Variants in RLF observed in about 807,000 individuals in gnomAD.
RLF encodes the protein RLF zinc finger.
RLF carries 7 observed loss-of-function variants against 162.9 expected under a neutral mutation model. The observed-to-expected ratio is 0.04, with a 90% CI of 0.02 to 0.08. The LOEUF (loss-of-function observed/expected upper bound fraction) is 0.08, where lower values mean the gene tolerates loss of function less well. RLF is among the 10% of genes least tolerant of loss of function. The probability of loss-of-function intolerance (pLI) is 1.00; values close to 1 mark genes in which losing one functional copy is unlikely to be tolerated. For synonymous variants in RLF, 782 were observed against 791.5 expected (o/e 0.99, Z 0.20); for missense variants, 1,664 against 2,244.7 (o/e 0.74, Z 5.23).
intron 5 of RLF, among the ~76,000 whole-genome samples, chr1:40,209,011 C>T (rs2124546431): frequency 6.6e-6 from 1 of 152,296 alleles, no homozygotes; most frequent in South Asian, 2.1e-4. Flanking sequence ...CTCACTGTCA[C>T]TGCCAACCTT....
At chr1:40,177,190 T>C (rs1225007495) in intron 1 of RLF, among the ~76,000 whole-genome samples, 1 of 152,066 alleles carries the variant, frequency 6.6e-6, no homozygotes, top group Non-Finnish European at 1.5e-5. Context: ...TTCGCCATGT[T>C]GGCCAGGCTG....
chr1:40,240,408 A>C lies in RLF; in HGVS notation c.5706A>C (p.Pro1902=). The C allele has an allele frequency of 6.2e-6, 10 of 1,613,954 alleles. No individual in the cohort carries two copies. Among genetic ancestry groups the C allele is most frequent in the Non-Finnish European group, 8.5e-6 (10 of 1,179,974 alleles). ...KFSTPILDLF[P]TKKTDELCVG... ...CCACACCAATTTTAGACTTATTTCC[A>C]ACAAAAAAGACAGATGAGCTTTGTG... Residue 1902 remains proline, a synonymous_variant, in exon 8 of 8, where the codon CCA becomes CCC. Coordinates refer to ENST00000372771, the MANE Select transcript of RLF (RefSeq NM_012421.4).
Position 40,239,289 on chromosome 1 carries a change from T to C in RLF, c.4587T>C (p.Ser1529=), listed in dbSNP as rs541541346. 6.2e-7 allele frequency: 1 copy of C among 1,613,942 alleles called. No individual in the cohort carries two copies. Among genetic ancestry groups the C allele is most frequent in the Non-Finnish European group, 8.5e-7 (1 of 1,179,992 alleles). ...GLIKEKKAPI[S]FKTRAEALHM... ...TCAAAGAAAAGAAAGCCCCAATAAG[T>C]TTTAAAACCAGAGCTGAGGCCCTCC... Residue 1529 remains serine (S), a synonymous_variant, in exon 8 of 8, where the codon AGT becomes AGC. Coordinates refer to ENST00000372771, the MANE Select transcript of RLF (RefSeq NM_012421.4).
Position 40,237,440 on chromosome 1 carries a change from T to C in RLF, c.2738T>C (p.Ile913Thr). ...TCAGCTTCAATGAATGAAGAGCTAATTGACACACTAGATCACTCTGAAACT... is the reference window on the plus strand; with the variant it reads ...TCAGCTTCAATGAATGAAGAGCTAACTGACACACTAGATCACTCTGAAACT... Reference protein sequence around the residue: ...SSSASMNEELIDTLDHSETMQ... With the variant: ...SSSASMNEELTDTLDHSETMQ... Residue 913 changes from isoleucine (I) to threonine (T), a missense_variant, in exon 8 of 8, where the codon ATT becomes ACT. Ile to Thr is a moderately conservative substitution (Grantham distance 89, BLOSUM62 -1). This residue lies in a region of RLF where 295 missense variants were observed against 317.4 expected (regional missense o/e 0.93). Coordinates refer to ENST00000372771, the MANE Select transcript of RLF (RefSeq NM_012421.4). The surrounding 1 kb of genome is among the most constrained non-coding windows in gnomAD (Gnocchi z 4.4). The C allele has an allele frequency of 6.2e-7, 1 of 1,614,090 alleles. No homozygotes were observed.
chr1:40,169,817 C>T (rs1294922102), intron 1 of RLF, among the ~76,000 whole-genome samples: 2 of 151,076 alleles, frequency 1.3e-5, no homozygotes, highest in Non-Finnish European at 3.0e-5. Flanking sequence ...CTCAGCCTCC[C>T]AAGTAGCTGG....
intron 1 of RLF, among the ~76,000 whole-genome samples, chr1:40,163,192 T>A (rs1451514283): frequency 1.3e-5 from 2 of 152,172 alleles, no homozygotes; most frequent in Non-Finnish European, 2.9e-5. Flanking sequence ...CCACTTTAGT[T>A]AGTAAGACCC....
intron 5 of RLF, among the ~76,000 whole-genome samples, chr1:40,212,832 A>G (rs1220258168): frequency 5.3e-5 from 8 of 152,346 alleles, no homozygotes; most frequent in Admixed American, 3.3e-4. Flanking sequence ...AGATACCTTT[A>G]AACAGGACCC....
Position 40,161,692 on chromosome 1 carries a change from G to C in RLF, c.237+56G>C. ...CGGGGCGGGGAAGTCAGGGAAGGAG[G>C]CCCTGGATCCTCTGTAAGCAGCCGG... On this transcript the variant is annotated intron_variant, in intron 1 of 7. Transcript: ENST00000372771. The surrounding 1 kb of genome is among the most constrained non-coding windows in gnomAD (Gnocchi z 4.4). The C allele has an allele frequency of 6.3e-7, 1 of 1,590,944 alleles. No homozygotes were observed. Among genetic ancestry groups the C allele is most frequent in the South Asian group, 1.1e-5 (1 of 89,620 alleles).
In RLF at chr1:40,213,277, A is replaced by C. The variant is rs1245475447; in HGVS notation, c.811-9297A>C. Among the ~76,000 whole-genome samples, 7 of 152,262 alleles carry C rather than the reference A, an allele frequency of 4.6e-5. No homozygotes were observed. The East Asian group carries it at 1.3e-3, about 29-fold the overall frequency. On this transcript the variant is annotated intron_variant, in intron 5 of 7. Transcript: ENST00000372771. Reference sequence around the variant, plus strand: ...ACTTCTGATCTTACTTTCATGGGTTATGTGTGGGTATTTTGGTTGGTGTAT... The same window carrying C: ...ACTTCTGATCTTACTTTCATGGGTTCTGTGTGGGTATTTTGGTTGGTGTAT...
In RLF at chr1:40,239,093, A is replaced by T; in HGVS notation, c.4391A>T (p.His1464Leu). ...ACCCATCGCAGTAATTACTCACAACATGTATATTACCGACATAAAGACTAT... is the reference window on the plus strand; with the variant it reads ...ACCCATCGCAGTAATTACTCACAACTTGTATATTACCGACATAAAGACTAT... Reference protein sequence around the residue: ...IFTHRSNYSQHVYYRHKDYYD... With the variant: ...IFTHRSNYSQLVYYRHKDYYD... The change falls in exon 8 of 8, where the codon CAT becomes CTT. Residue 1464 changes from histidine to leucine, a missense_variant. Transcript: ENST00000372771. 6.2e-7 allele frequency: 1 copy of T among 1,614,162 alleles called. No homozygotes were observed. Among genetic ancestry groups the T allele is most frequent in the Non-Finnish European group, 8.5e-7 (1 of 1,180,022 alleles).
At position 40,200,397 on chromosome 1, in the gene RLF, A is replaced by G. The variant is rs181393404; in HGVS notation, c.608-2015A>G. ...TATTCACATGTTTCAGATTACCTGT[A>G]TATAGGGTTGTAAGTTGCAGCATTA... On this transcript the variant is annotated intron_variant, in intron 4 of 7. Transcript: ENST00000372771. 4.4e-3 allele frequency among the ~76,000 whole-genome samples: 666 copies of G among 152,258 alleles called. 4 individuals carry two copies. Among genetic ancestry groups the G allele is most frequent in the African/African-American group, 0.015 (635 of 41,526 alleles).
At chr1:40,178,227 C>T (rs1364956662) in intron 1 of RLF, among the ~76,000 whole-genome samples, 2 of 151,962 alleles carry the variant, frequency 1.3e-5, no homozygotes, top group Non-Finnish European at 1.5e-5. Context: ...GAAAATTAGC[C>T]ATACATGTGT....
intron 5 of RLF, among the ~76,000 whole-genome samples, chr1:40,211,623 T>TC (rs1255821388): frequency 6.6e-6 from 1 of 152,102 alleles, no homozygotes; most frequent in African/African-American, 2.4e-5. Context: ...TCTTTTTTTT[T>TC]CCTTTCTTTT....
At chr1:40,213,939 C>G (rs1167352083) in intron 5 of RLF, among the ~76,000 whole-genome samples, 1 of 152,222 alleles carries the variant, frequency 6.6e-6, no homozygotes, top group Non-Finnish European at 1.5e-5. Context: ...TTCTGTTATG[C>G]CAGTTGGCTG....
chr1:40,214,847 T>C (rs1642903440), intron 5 of RLF, among the ~76,000 whole-genome samples: 1 of 126,718 alleles, frequency 7.9e-6, no homozygotes, highest in African/African-American at 3.1e-5. Context: ...CACTTGAGCC[T>C]GGGAGGTCAA....
intron 5 of RLF, among the ~76,000 whole-genome samples, chr1:40,210,501 A>G (rs1410701387): frequency 1.3e-5 from 2 of 152,222 alleles, no homozygotes; most frequent in Non-Finnish European, 2.9e-5. Context: ...AAGTCTTGTG[A>G]GAAATAAGAC....
intron 1 of RLF, among the ~76,000 whole-genome samples, chr1:40,168,355 C>T (rs1021257219): frequency 3.3e-5 from 5 of 152,186 alleles, no homozygotes; most frequent in Non-Finnish European, 7.3e-5. Context: ...AAGCGATTCT[C>T]GTGCCTCAGC....
intron 1 of RLF, among the ~76,000 whole-genome samples, chr1:40,171,128 G>A (rs1642238545): frequency 6.6e-6 from 1 of 152,174 alleles, no homozygotes; most frequent in African/African-American, 2.4e-5. Flanking sequence ...TTAGGCTCAA[G>A]TGATCCTCCC....
intron 7 of RLF, among the ~76,000 whole-genome samples, chr1:40,231,884 G>A (rs888207188): frequency 2.0e-5 from 3 of 152,296 alleles, no homozygotes; most frequent in Middle Eastern, 3.4e-3. Context: ...TAATTACTGT[G>A]AATGAAGTTG....
Sources: gnomAD v4.1 joint callset for allele counts (sites outside exome capture counted in the v4.1 genomes callset) on GRCh38, gnomAD v4.1.1 for gene constraint, gnomAD v4.1.1 regional missense constraint, Gnocchi (gnomAD v3.1) non-coding constraint, MANE v1.5 for transcripts, NCBI Gene and HGNC (gene_info 2026-07-23, HGNC 2026-07-21) for gene names.